TNFSF4: variants seen among roughly 807,000 people sequenced by gnomAD.
The protein encoded by TNFSF4 is tumor necrosis factor ligand superfamily member 4.
TNFSF4 carries 4 observed loss-of-function variants against 7.3 expected under a neutral mutation model. The observed-to-expected ratio is 0.55, with a 90% CI of 0.27 to 1.25. TNFSF4 has a LOEUF of 1.25. Ranked by LOEUF, TNFSF4 falls within the 50% of genes most tolerant of loss-of-function variation. The pLI is 0.12. For missense variants in TNFSF4, 181 were observed against 208.8 expected, an observed-to-expected ratio of 0.87 and a Z score of 0.82; for synonymous variants, 76 against 83.7, an observed-to-expected ratio of 0.91 and a Z score of 0.50.
chr1:173,435,588 C>T, the TNFSF4 span, among the ~76,000 whole-genome samples: 1 of 152,184 alleles, frequency 6.6e-6, no homozygotes, highest in Non-Finnish European at 1.5e-5. Context: ...CTGTCAGCAT[C>T]CAAACCTGTG....
the TNFSF4 span, among the ~76,000 whole-genome samples, chr1:173,423,182 A>G: frequency 1.1e-4 from 17 of 152,292 alleles, no homozygotes; most frequent in South Asian, 3.5e-3. Flanking sequence ...TGATCCTCAT[A>G]AGCACCCTCC....
At chr1:173,384,757 C>T in the TNFSF4 span, among the ~76,000 whole-genome samples, 3 of 152,292 alleles carry the variant, frequency 2.0e-5, no homozygotes, top group Middle Eastern at 3.4e-3. Context: ...TGCATATACA[C>T]TATAAGGGCT....
At chr1:173,247,969 TGAA>T in the TNFSF4 span, among the ~76,000 whole-genome samples, 1 of 152,294 alleles carries the variant, frequency 6.6e-6, no homozygotes, top group South Asian at 2.1e-4. Flanking sequence ...GCTTACTTAA[TGAA>T]GAAGAATAGA....
chr1:173,222,110 C>A, the TNFSF4 span, among the ~76,000 whole-genome samples: 3 of 152,106 alleles, frequency 2.0e-5, no homozygotes, highest in Non-Finnish European at 4.4e-5. Context: ...TAAAAGAACT[C>A]ATCAAGGAGG....
At chr1:173,339,661 C>T in the TNFSF4 span, among the ~76,000 whole-genome samples, 1 of 152,218 alleles carries the variant, frequency 6.6e-6, no homozygotes, top group South Asian at 2.1e-4. Context: ...GTTAATTTTA[C>T]AACATAGTAG....
At chr1:173,331,712 G>A in the TNFSF4 span, among the ~76,000 whole-genome samples, 3 of 152,190 alleles carry the variant, frequency 2.0e-5, no homozygotes, top group Non-Finnish European at 4.4e-5. Context: ...AAGAGAAAAA[G>A]TTTGCAGTCA....
At chr1:173,360,704 AG>A in the TNFSF4 span, among the ~76,000 whole-genome samples, 1 of 152,174 alleles carries the variant, frequency 6.6e-6, no homozygotes, top group Admixed American at 6.5e-5. Flanking sequence ...AGCTAAACTG[AG>A]GGGCCCCTTG....
chr1:173,393,358 G>A, the TNFSF4 span, among the ~76,000 whole-genome samples: 3 of 152,116 alleles, frequency 2.0e-5, no homozygotes, highest in South Asian at 2.1e-4. Context: ...TGCCACATCC[G>A]TAGTTCAGGA....
At chr1:173,173,352 C>T in the TNFSF4 span, among the ~76,000 whole-genome samples, 6 of 152,116 alleles carry the variant, frequency 3.9e-5, no homozygotes, top group East Asian at 1.9e-4. Flanking sequence ...CTTTTGCCAA[C>T]GAACCTGTAA....
rs143657529 is a variant in TNFSF4, at chr1:173,204,924, A to AACACAC, written c.153+2094_153+2099dup. ...AGAAACACACACACACACACACACAAACACACACACACACACACTGCTGCT... is the reference window on the plus strand; with the variant it reads ...AGAAACACACACACACACACACACAAACACACACACACACACACACACACTGCTGCT... On this transcript the variant is annotated intron_variant, in intron 1 of 2. Transcript: ENST00000281834. 7.1e-3 allele frequency among the ~76,000 whole-genome samples: 939 copies of AACACAC among 131,702 alleles called. 12 individuals are homozygous for AACACAC. The highest frequency in any genetic ancestry group is 0.023 in the African/African-American group (890 of 39,208). 86.4% of individuals were successfully genotyped at this position (131,702 alleles called of 152,430 possible).
At chr1:173,409,865 G>A in the TNFSF4 span, among the ~76,000 whole-genome samples, 1 of 152,324 alleles carries the variant, frequency 6.6e-6, no homozygotes, top group Non-Finnish European at 1.5e-5. Flanking sequence ...TCTAGGCTCT[G>A]AGTGCACGGG....
chr1:173,241,809 A>G, the TNFSF4 span, among the ~76,000 whole-genome samples: 1 of 152,214 alleles, frequency 6.6e-6, no homozygotes, highest in Non-Finnish European at 1.5e-5. Flanking sequence ...GCTTGCTTGA[A>G]TAATTTCATG....
the TNFSF4 span, among the ~76,000 whole-genome samples, chr1:173,262,119 G>C: frequency 0.21 from 32,409 of 152,024 alleles, 3,784 homozygotes; most frequent in Admixed American, 0.32. Context: ...GTACATCAAA[G>C]AGCTTATCGA....
intron 1 of TNFSF4, chr1:173,205,317 G>A (rs1006722694): frequency 6.2e-7 from 1 of 1,612,186 alleles, no homozygotes; most frequent in Non-Finnish European, 8.5e-7. Context: ...TCACCATGAG[G>A]TTTAGTGTCC....
At chr1:173,415,485 A>T in the TNFSF4 span, among the ~76,000 whole-genome samples, 1 of 152,234 alleles carries the variant, frequency 6.6e-6, no homozygotes, top group African/African-American at 2.4e-5. Flanking sequence ...TGTCAGACTC[A>T]ATCGGAACCA....
At chr1:173,422,987 T>C in the TNFSF4 span, among the ~76,000 whole-genome samples, 2 of 140,266 alleles carry the variant, frequency 1.4e-5, no homozygotes, top group African/African-American at 2.6e-5. Flanking sequence ...TTTTTTTTTT[T>C]AGACAGAGTC....
chr1:173,274,249 A>G, the TNFSF4 span, among the ~76,000 whole-genome samples: 2 of 152,126 alleles, frequency 1.3e-5, no homozygotes, highest in African/African-American at 4.8e-5. Context: ...GTCAGTGTAC[A>G]AATCAATAAA....
the TNFSF4 span, among the ~76,000 whole-genome samples, chr1:173,433,269 C>T: frequency 3.3e-5 from 5 of 152,114 alleles, no homozygotes; most frequent in African/African-American, 1.2e-4. Context: ...TCTCAAGTGC[C>T]CCAAACACAG....
chr1:173,435,033 AG>A, the TNFSF4 span, among the ~76,000 whole-genome samples: 2 of 152,220 alleles, frequency 1.3e-5, no homozygotes, highest in Non-Finnish European at 2.9e-5. Context: ...AAAACAGGAC[AG>A]GGGCAACCAA....
Sources: allele counts gnomAD v4.1 joint callset (sites outside exome capture counted in the v4.1 genomes callset), GRCh38; gene constraint gnomAD v4.1.1; transcripts MANE v1.5; gene names NCBI Gene and HGNC (gene_info 2026-07-23, HGNC 2026-07-21).